The following RORA variants were observed in gnomAD, a reference collection of about 807,000 sequenced individuals.
The protein encoded by RORA is RAR related orphan receptor A, also known as nuclear receptor ROR-alpha.
RORA carries 7 observed loss-of-function variants against 69.5 expected under a neutral mutation model. The observed-to-expected ratio is 0.10, with a 90% confidence interval of 0.06 to 0.19. RORA has a LOEUF of 0.19. RORA is among the 10% of genes least tolerant of loss of function. The pLI is 1.00. For missense variants in RORA, 457 were observed against 663.0 expected (o/e 0.69, Z 3.41); for synonymous variants, 261 against 240.8 (o/e 1.08, Z -0.78).
intron 1 of RORA, among the ~76,000 whole-genome samples, chr15:60,822,082 C>A (rs572880085): frequency 6.6e-6 from 1 of 152,224 alleles, no homozygotes; most frequent in East Asian, 1.9e-4. Flanking sequence ...GCTAGAGAAA[C>A]TGAGGGTGAG....
At chr15:60,951,874 G>A (rs1566922800) in intron 1 of RORA, among the ~76,000 whole-genome samples, 1 of 151,012 alleles carries the variant, frequency 6.6e-6, no homozygotes, top group Non-Finnish European at 1.5e-5. Flanking sequence ...AGGAGGAACT[G>A]GTACCATTCC....
At chr15:60,703,703 C>A (rs966554149) in intron 1 of RORA, among the ~76,000 whole-genome samples, 2 of 152,170 alleles carry the variant, frequency 1.3e-5, no homozygotes, top group African/African-American at 2.4e-5. Context: ...GCTCACATCA[C>A]ACATCCTTTC....
intron 1 of RORA, among the ~76,000 whole-genome samples, chr15:61,095,066 G>A (rs2078768278): frequency 6.6e-6 from 1 of 152,228 alleles, no homozygotes; most frequent in Non-Finnish European, 1.5e-5. Context: ...GTTACTGGAT[G>A]AATCAGAGAA....
At chr15:60,565,635 C>T (rs576237016) in intron 2 of RORA, among the ~76,000 whole-genome samples, 70 of 152,206 alleles carry the variant, frequency 4.6e-4, no homozygotes, top group African/African-American at 1.5e-3. Context: ...CAGCAGCTTC[C>T]GAAAGTATAA....
rs537868910 is a variant in RORA, at chr15:61,128,913, C to T, written c.166+100140G>A. 5.3e-5 allele frequency among the ~76,000 whole-genome samples: 8 copies of T among 152,326 alleles called. No individual in the cohort carries two copies. Among genetic ancestry groups the T allele is most frequent in the South Asian group, 2.1e-4 (1 of 4,828 alleles). On this transcript the variant is annotated intron_variant, in intron 1 of 10. Coordinates refer to ENST00000335670, the MANE Select transcript of RORA (RefSeq NM_134261.3). The surrounding 1 kb of genome is among the most constrained non-coding windows in gnomAD (Gnocchi z 4.5). The stretch of plus-strand genomic sequence containing the variant: ...ATGGGACCCAAGAAGAGACACTGGC[C>T]GTGGCACCACGTGCCTGCCTTGGGC...
At chr15:61,195,131 T>C (rs2079835806) in intron 1 of RORA, among the ~76,000 whole-genome samples, 1 of 152,148 alleles carries the variant, frequency 6.6e-6, no homozygotes, top group Non-Finnish European at 1.5e-5. Flanking sequence ...AGCCCCGGTC[T>C]TTTTAAAAAA....
intron 1 of RORA, among the ~76,000 whole-genome samples, chr15:60,806,624 C>T (rs1003788028): frequency 2.0e-5 from 3 of 152,120 alleles, no homozygotes; most frequent in Non-Finnish European, 2.9e-5. Context: ...TTTTGATTAC[C>T]TGCAACAATG....
intron 2 of RORA, among the ~76,000 whole-genome samples, chr15:60,634,620 G>T (rs2069803792): frequency 2.0e-5 from 3 of 151,978 alleles, no homozygotes; most frequent in Non-Finnish European, 2.9e-5. Flanking sequence ...GGCCAGGCTG[G>T]TCTCAATCTC....
chr15:61,053,716 G>T (rs1286348021), intron 1 of RORA, among the ~76,000 whole-genome samples: 2 of 151,408 alleles, frequency 1.3e-5, no homozygotes, highest in African/African-American at 4.9e-5. Context: ...CTTTTCAAGG[G>T]GCTACAGGGA....
At chr15:60,567,044 A>G (rs2067732565) in intron 2 of RORA, among the ~76,000 whole-genome samples, 1 of 152,228 alleles carries the variant, frequency 6.6e-6, no homozygotes, top group African/African-American at 2.4e-5. Flanking sequence ...CACAATCTCA[A>G]TAATGATAAA....
intron 1 of RORA, among the ~76,000 whole-genome samples, chr15:60,821,642 T>G (rs1220925301): frequency 2.0e-5 from 3 of 152,222 alleles, no homozygotes; most frequent in Non-Finnish European, 4.4e-5. Context: ...GGACTGTGTC[T>G]TACTCATCTT....
Position 60,698,054 on chromosome 15 carries a change from T to C in RORA, c.167-19368A>G, listed in dbSNP as rs190971104. Among the ~76,000 whole-genome samples, 372 of 152,314 alleles carry C rather than the reference T, an allele frequency of 2.4e-3. 1 individual carries two copies. Among genetic ancestry groups the C allele is most frequent in the Middle Eastern group, 3.4e-3 (1 of 294 alleles). On this transcript the variant is annotated intron_variant, in intron 1 of 10. Coordinates refer to ENST00000335670, the MANE Select transcript of RORA (RefSeq NM_134261.3). Reference sequence around the variant, plus strand: ...CATGTGGGTAAGCTGGAAAAAACACTTCCGTGTCTGTAGTCGTGAAGTGAT... The same window carrying C: ...CATGTGGGTAAGCTGGAAAAAACACCTCCGTGTCTGTAGTCGTGAAGTGAT...
chr15:60,759,021 T>C (rs1372773610), intron 1 of RORA, among the ~76,000 whole-genome samples: 1 of 152,196 alleles, frequency 6.6e-6, no homozygotes, highest in Non-Finnish European at 1.5e-5. Context: ...AGATTTACAA[T>C]CCAGTGGGTT....
At chr15:61,025,372 C>T (rs780176787) in intron 1 of RORA, among the ~76,000 whole-genome samples, 2 of 152,206 alleles carry the variant, frequency 1.3e-5, no homozygotes, top group Admixed American at 6.5e-5. Flanking sequence ...GGGCTGTGGT[C>T]CCAGGTCCCG....
At chr15:60,604,802 A>G (rs998115515) in intron 2 of RORA, among the ~76,000 whole-genome samples, 1 of 152,182 alleles carries the variant, frequency 6.6e-6, no homozygotes, top group African/African-American at 2.4e-5. Context: ...TTTGAGCTTC[A>G]ATTTCCTCTC....
At position 60,534,739 on chromosome 15, in the gene RORA, C is replaced by T. The variant is rs142322042; in HGVS notation, c.197-2888G>A. Among the ~76,000 whole-genome samples the T allele has an allele frequency of 5.3e-5, 8 of 152,220 alleles. No individual in the cohort carries two copies. Among genetic ancestry groups the T allele is most frequent in the Admixed American group, 3.9e-4 (6 of 15,286 alleles). On this transcript the variant is annotated intron_variant, in intron 2 of 10. Transcript: ENST00000335670. The surrounding 1 kb of genome is among the most constrained non-coding windows in gnomAD (Gnocchi z 5.0). ...CACTTTAGGAAATGACTAAAATCCT[C>T]CTACTCCAAAAGCAAACCCTCTGAA...
intron 1 of RORA, among the ~76,000 whole-genome samples, chr15:60,771,454 C>T (rs2072073687): frequency 1.3e-5 from 2 of 152,230 alleles, no homozygotes; most frequent in Admixed American, 1.3e-4. Flanking sequence ...TCTTGGGTAG[C>T]AGTGACCTTG....
At chr15:60,891,703 C>T (rs893729233) in intron 1 of RORA, among the ~76,000 whole-genome samples, 2 of 152,218 alleles carry the variant, frequency 1.3e-5, no homozygotes, top group African/African-American at 4.8e-5. Flanking sequence ...TCATTTCCTG[C>T]TATTCTGCAC....
rs113853316 is a variant in RORA at position 60,648,878 on chromosome 15, A to AG, written c.196+29778dup. Among the ~76,000 whole-genome samples, 1,434 of 152,276 alleles carry AG rather than the reference A, an allele frequency of 9.4e-3. 18 individuals are homozygous for AG. Among genetic ancestry groups the AG allele is most frequent in the African/African-American group, 0.03 (1,233 of 41,550 alleles). ...CTGAATATATAGAAGATGGTAAAGCAGGGCCAGGTAATTCCAACACTTAAA... is the reference window on the plus strand; with the variant it reads ...CTGAATATATAGAAGATGGTAAAGCAGGGGCCAGGTAATTCCAACACTTAAA... On this transcript the variant is annotated intron_variant, in intron 2 of 10. Coordinates refer to ENST00000335670, the MANE Select transcript of RORA (RefSeq NM_134261.3).
Sources: gnomAD v4.1 joint callset for allele counts (sites outside exome capture counted in the v4.1 genomes callset) on GRCh38, gnomAD v4.1.1 for gene constraint, Gnocchi (gnomAD v3.1) non-coding constraint, MANE v1.5 for transcripts, NCBI Gene and HGNC (gene_info 2026-07-23, HGNC 2026-07-21) for gene names.